EYA4: variants seen among roughly 807,000 people sequenced by gnomAD.
EYA4 encodes EYA transcriptional coactivator and phosphatase 4, also known as protein phosphatase EYA4.
Under a neutral mutation model 87.9 loss-of-function variants are expected in EYA4, and 31 were observed. That is an observed-to-expected ratio of 0.35 (90% CI 0.27 to 0.48). EYA4 has a LOEUF of 0.48. EYA4 is among the 20% of genes least tolerant of loss of function. EYA4 has a pLI of 0.99. For missense variants in EYA4, 678 were observed against 761.4 expected (o/e 0.89, Z 1.29); for synonymous variants, 263 against 270.6 (o/e 0.97, Z 0.28).
intron 3 of EYA4, among the ~76,000 whole-genome samples, chr6:133,444,061 A>C (rs12665147): frequency 0.063 from 9,519 of 152,210 alleles, 481 homozygotes; most frequent in East Asian, 0.23. Flanking sequence ...CGCTTTCCAA[A>C]TCTTACGTGT....
At chr6:133,320,941 A>G (rs953371362) in intron 2 of EYA4, among the ~76,000 whole-genome samples, 2 of 152,172 alleles carry the variant, frequency 1.3e-5, no homozygotes, top group Non-Finnish European at 2.9e-5. Flanking sequence ...ACAATGGTCT[A>G]AGGGTGGGTG....
chr6:133,523,224 G>C lies in EYA4; in HGVS notation c.1738+47G>C, dbSNP rs369172025. ...CTGTATGGAATGTGTCCACATCTGT[G>C]TGTCTCTGCCTAGTTCCCTTTTTCA... is the stretch of plus-strand genomic sequence containing the variant. On this transcript the variant is annotated intron_variant, in intron 18 of 19. Transcript: ENST00000355286. 11 of 1,594,694 alleles carry C rather than the reference G, an allele frequency of 6.9e-6. No homozygotes were observed. In the East Asian group the frequency reaches 2.2e-4, roughly 32 times the overall value.
At chr6:133,367,912 T>C (rs1026556667) in intron 2 of EYA4, among the ~76,000 whole-genome samples, 1 of 152,164 alleles carries the variant, frequency 6.6e-6, no homozygotes, top group Non-Finnish European at 1.5e-5. Flanking sequence ...TTTCAGAATG[T>C]GTGGTTCATA....
intron 2 of EYA4, among the ~76,000 whole-genome samples, chr6:133,338,788 A>T (rs1489053671): frequency 6.6e-6 from 1 of 152,188 alleles, no homozygotes; most frequent in Non-Finnish European, 1.5e-5. Context: ...GCTAAAACTA[A>T]ACAATATTAC....
Position 133,319,511 on chromosome 6 carries a change from C to CCT in EYA4, c.33+44698_33+44699insCT, listed in dbSNP as rs373603703. ...TCTCTTTGCTTATTGGATAGTGTCC[C>CCT]TTTTTTTTTTTACCAGTCTTAATGA... On this transcript the variant is annotated intron_variant, in intron 2 of 19. Transcript: ENST00000355286. Among the ~76,000 whole-genome samples, 52 of 145,496 alleles carry CCT rather than the reference C, an allele frequency of 3.6e-4. No homozygotes were observed. In the Middle Eastern group the frequency reaches 0.014, roughly 39 times the overall value.
intron 2 of EYA4, among the ~76,000 whole-genome samples, chr6:133,350,801 T>C (rs1401194722): frequency 1.3e-5 from 2 of 152,176 alleles, no homozygotes; most frequent in African/African-American, 2.4e-5. Flanking sequence ...AAATGTTCTA[T>C]ATTTTAGCTT....
intron 17 of EYA4, among the ~76,000 whole-genome samples, chr6:133,522,174 T>A (rs938029171): frequency 6.6e-6 from 1 of 150,876 alleles, no homozygotes; most frequent in Non-Finnish European, 1.5e-5. Context: ...GAGTAGTTTT[T>A]TTTTTTTTTT....
intron 1 of EYA4, among the ~76,000 whole-genome samples, chr6:133,258,431 C>A (rs972951716): frequency 6.6e-6 from 1 of 152,154 alleles, no homozygotes; most frequent in Non-Finnish European, 1.5e-5. Flanking sequence ...GCTTTCTTCA[C>A]CAAATTCGTT....
intron 13 of EYA4, among the ~76,000 whole-genome samples, chr6:133,495,112 T>TA (rs910384014): frequency 2.0e-5 from 3 of 151,532 alleles, no homozygotes; most frequent in African/African-American, 7.3e-5. Flanking sequence ...CTGCTAAAAA[T>TA]AAAAAAATTA....
At chr6:133,299,702 ACT>A (rs1779217117) in intron 2 of EYA4, among the ~76,000 whole-genome samples, 2 of 150,136 alleles carry the variant, frequency 1.3e-5, no homozygotes, top group Non-Finnish European at 3.0e-5. Context: ...ACAGAGTGAG[ACT>A]CTGTCTCAAA....
chr6:133,525,062 A>G (rs758097100), intron 18 of EYA4, 92 bp from the exon 19 acceptor site: 7 of 1,613,604 alleles, frequency 4.3e-6, no homozygotes, highest in South Asian at 2.2e-5. Context: ...TGGCACTAAC[A>G]TAACTTATGT....
At chr6:133,257,184 C>A (rs1476675609) in intron 1 of EYA4, among the ~76,000 whole-genome samples, 1 of 152,054 alleles carries the variant, frequency 6.6e-6, no homozygotes, top group Non-Finnish European at 1.5e-5. Flanking sequence ...TTATATATTT[C>A]CAGAAGCACT....
At chr6:133,515,246 C>G (rs1463150271) in intron 16 of EYA4, 75 bp from the exon 17 acceptor site, 7 of 799,580 alleles carry the variant, frequency 8.8e-6, no homozygotes, top group Non-Finnish European at 1.4e-5. Flanking sequence ...CTATTCCAGA[C>G]AGAAGGGAAT....
chr6:133,342,599 A>ATG (rs924782145), intron 2 of EYA4, among the ~76,000 whole-genome samples: 2 of 117,210 alleles, frequency 1.7e-5, no homozygotes, highest in African/African-American at 6.6e-5. Flanking sequence ...ATATATATAT[A>ATG]TATATAATTC....
intron 2 of EYA4, among the ~76,000 whole-genome samples, chr6:133,371,085 G>A (rs1785231168): frequency 6.6e-6 from 1 of 152,170 alleles, no homozygotes. Flanking sequence ...TCAGAGGGTT[G>A]AGATGTGGGA....
At chr6:133,439,293 G>C (rs746685646) in intron 3 of EYA4, 1 of 152,016 alleles carries the variant, frequency 6.6e-6, no homozygotes, top group Non-Finnish European at 1.5e-5. Flanking sequence ...ATTTATCCCA[G>C]TTTTTCACAC....
intron 14 of EYA4, among the ~76,000 whole-genome samples, chr6:133,511,417 G>T (rs1011549696): frequency 6.6e-6 from 1 of 151,912 alleles, no homozygotes; most frequent in Non-Finnish European, 1.5e-5. Flanking sequence ...GGAGGCCCAA[G>T]ATGCTAAACC....
chr6:133,299,489 A>G (rs1779196580), intron 2 of EYA4, among the ~76,000 whole-genome samples: 1 of 151,920 alleles, frequency 6.6e-6, no homozygotes, highest in Non-Finnish European at 1.5e-5. Context: ...AGGTGGGTGG[A>G]TCACGAGGTC....
At chr6:133,487,215 A>G (rs1270196268) in intron 13 of EYA4, among the ~76,000 whole-genome samples, 1 of 152,210 alleles carries the variant, frequency 6.6e-6, no homozygotes, top group Non-Finnish European at 1.5e-5. Context: ...CTAGAGAAGA[A>G]TCTTCCATCT....
Sources: allele counts gnomAD v4.1 joint callset (sites outside exome capture counted in the v4.1 genomes callset), GRCh38; gene constraint gnomAD v4.1.1; transcripts MANE v1.5; gene names NCBI Gene and HGNC (gene_info 2026-07-23, HGNC 2026-07-21).